Variants in IMMP2L observed in about 807,000 individuals in gnomAD.
The protein encoded by IMMP2L is mitochondrial inner membrane protease subunit 2.
Under a neutral mutation model 19.3 loss-of-function variants are expected in IMMP2L, and 18 were observed. That is an observed-to-expected ratio of 0.93 (90% confidence interval 0.64 to 1.38). The LOEUF is 1.38. IMMP2L is among the 40% of genes most tolerant of loss of function. The pLI is 0.00. For synonymous variants in IMMP2L, 76 were observed against 73.0 expected, an observed-to-expected ratio of 1.04 and a Z score of -0.21; for missense variants, 233 against 218.2, an observed-to-expected ratio of 1.07 and a Z score of -0.43.
intron 5 of IMMP2L, among the ~76,000 whole-genome samples, chr7:110,713,037 G>T (rs995392870): frequency 1.3e-5 from 2 of 152,184 alleles, no homozygotes; most frequent in African/African-American, 4.8e-5. Context: ...TATGACTCTT[G>T]TAGATAACCT....
At chr7:111,103,872 G>A (rs985065812) in intron 3 of IMMP2L, among the ~76,000 whole-genome samples, 1 of 151,578 alleles carries the variant, frequency 6.6e-6, no homozygotes, top group Non-Finnish European at 1.5e-5. Context: ...GAAAGAACGA[G>A]AGTCCATGCC....
At chr7:111,391,881 T>G (rs1293193393) in intron 3 of IMMP2L, 1 of 702,628 alleles carries the variant, frequency 1.4e-6, no homozygotes, top group Non-Finnish European at 2.6e-6. Context: ...ATTCCTGCCC[T>G]CTGTTCTAAA....
At position 111,214,328 on chromosome 7, in the gene IMMP2L, C is replaced by CTTTTTTTTTTTTTTTTTTTTTTTTTTT. The variant is rs1484229556; in HGVS notation, c.240-250764_240-250763insAAAAAAAAAAAAAAAAAAAAAAAAAAA. Among the ~76,000 whole-genome samples the CTTTTTTTTTTTTTTTTTTTTTTTTTTT allele has an allele frequency of 8.2e-5, 7 of 85,110 alleles. 2 individuals are homozygous for CTTTTTTTTTTTTTTTTTTTTTTTTTTT. The allele number at this position is 85,110 out of a possible 152,430, so 55.8% of individuals were successfully genotyped here. A position where few individuals can be genotyped will look rare whatever the true frequency, so the allele number is the denominator to read the frequency against. ...GTGAATGAATGACAAAGTAATTTTT[C>CTTTTTTTTTTTTTTTTTTTTTTTTTTT]TTCTTTTTTTTTTTTTTTTTTTTTT... On this transcript the variant is annotated intron_variant, in intron 3 of 5. Transcript: ENST00000405709.
Position 111,249,466 on chromosome 7 carries a change from G to A in IMMP2L, c.239+237772C>T, listed in dbSNP as rs918488453. Reference sequence around the variant, plus strand: ...ACCCGGTACCTCAGATGGAAATGCAGAAATCACCGTCTTCTGCGTCGCTCA... The same window carrying A: ...ACCCGGTACCTCAGATGGAAATGCAAAAATCACCGTCTTCTGCGTCGCTCA... On this transcript the variant is annotated intron_variant, in intron 3 of 5. Transcript: ENST00000405709. Among the ~76,000 whole-genome samples the A allele has an allele frequency of 5.3e-5, 8 of 150,990 alleles. No homozygotes were observed. The South Asian group carries it at 1.5e-3, about 28-fold the overall frequency.
chr7:111,165,311 T>C (rs1647674380), intron 3 of IMMP2L, among the ~76,000 whole-genome samples: 1 of 152,084 alleles, frequency 6.6e-6, no homozygotes, highest in South Asian at 2.1e-4. Flanking sequence ...ACTTTGCTTA[T>C]TAATTCATCT....
intron 5 of IMMP2L, among the ~76,000 whole-genome samples, chr7:110,731,424 T>C (rs1796270984): frequency 6.6e-6 from 1 of 152,162 alleles, no homozygotes; most frequent in South Asian, 2.1e-4. Flanking sequence ...TATTTAGTAT[T>C]TATTATTGTT....
intron 4 of IMMP2L, among the ~76,000 whole-genome samples, chr7:110,961,504 T>C (rs1818937711): frequency 6.6e-6 from 1 of 151,384 alleles, no homozygotes; most frequent in Non-Finnish European, 1.5e-5. Flanking sequence ...CCACCTTCAG[T>C]TGGTTGAAAT....
chr7:111,403,876 T>C (rs1429156395), intron 3 of IMMP2L, among the ~76,000 whole-genome samples: 1 of 152,118 alleles, frequency 6.6e-6, no homozygotes, highest in African/African-American at 2.4e-5. Context: ...TAAAATAATA[T>C]TGGGGCAAAA....
rs756611135 is a variant in IMMP2L, at chr7:110,758,801, C to T, written c.409-95080G>A. On this transcript the variant is annotated intron_variant, in intron 5 of 5. Transcript: ENST00000405709. The surrounding 1 kb of genome is among the most constrained non-coding windows in gnomAD (Gnocchi z 4.6). ...ATTATAAAACGTAGTAACTACTGGT[C>T]ATTGCAGTGCCTGGAAAATTAATGA... is the stretch of plus-strand genomic sequence containing the variant. Among the ~76,000 whole-genome samples the T allele has an allele frequency of 6.6e-6, 1 of 152,060 alleles. No homozygotes were observed. The highest frequency in any genetic ancestry group is 1.5e-5 in the Non-Finnish European group (1 of 68,002).
chr7:110,940,249 T>A (rs546049876), intron 4 of IMMP2L, among the ~76,000 whole-genome samples: 2 of 151,006 alleles, frequency 1.3e-5, no homozygotes, highest in South Asian at 4.2e-4. Context: ...AACCTGGGAG[T>A]TGGAGCTTGC....
intron 4 of IMMP2L, among the ~76,000 whole-genome samples, chr7:110,940,630 TCTC>T (rs1342712341): frequency 1.3e-5 from 2 of 152,136 alleles, no homozygotes; most frequent in Admixed American, 6.5e-5. Context: ...CAGGCCTTAA[TCTC>T]CTCATCTATA....
At chr7:111,352,763 A>C (rs568912878) in intron 3 of IMMP2L, among the ~76,000 whole-genome samples, 1 of 152,160 alleles carries the variant, frequency 6.6e-6, no homozygotes. Context: ...TAGCACTCTG[A>C]TTTGGCACCT....
chr7:111,537,518 T>A (rs922084611), intron 1 of IMMP2L, among the ~76,000 whole-genome samples: 2 of 146,942 alleles, frequency 1.4e-5, no homozygotes, highest in African/African-American at 5.0e-5. Flanking sequence ...CCTAGTCTCA[T>A]CACTTCCACT....
At chr7:111,382,324 G>C (rs1831275526) in intron 3 of IMMP2L, among the ~76,000 whole-genome samples, 1 of 151,214 alleles carries the variant, frequency 6.6e-6, no homozygotes, top group Non-Finnish European at 1.5e-5. Flanking sequence ...CATAATTTCA[G>C]AGAAGCATTG....
rs146489810 is a variant in IMMP2L at position 110,793,420 on chromosome 7, A to AAAACAAAC, written c.408+93165_408+93172dup. ...GGGCAACAGAGCAAGACTCTGTCTC[A>AAAACAAAC]AAACAAACAAACAAACAAACAAACA... On this transcript the variant is annotated intron_variant, in intron 5 of 5. Coordinates refer to ENST00000405709, the MANE Select transcript of IMMP2L (RefSeq NM_032549.4). Among the ~76,000 whole-genome samples, 1,454 of 150,080 alleles carry AAAACAAAC rather than the reference A, an allele frequency of 9.7e-3. 23 individuals are homozygous for AAAACAAAC. The highest frequency in any genetic ancestry group is 0.04 in the Admixed American group (599 of 14,958).
rs1217257175 is a variant in IMMP2L at position 111,125,817 on chromosome 7, C to CTTTTTTT, written c.240-162259_240-162253dup. Among the ~76,000 whole-genome samples the CTTTTTTT allele has an allele frequency of 2.9e-4, 29 of 100,164 alleles. 1 individual carries two copies. Among genetic ancestry groups the CTTTTTTT allele is most frequent in the Non-Finnish European group, 4.6e-4 (24 of 51,636 alleles). 65.7% of individuals were successfully genotyped at this position (100,164 alleles called of 152,430 possible). On this transcript the variant is annotated intron_variant, in intron 3 of 5. Coordinates refer to ENST00000405709, the MANE Select transcript of IMMP2L (RefSeq NM_032549.4). ...CAGTAGCTTAGTTTTAGGCCGCTTG[C>CTTTTTTT]TTTTTTTTTTTTTTTTTTTTTTTGA...
chr7:111,023,835 A>G (rs1826545056), intron 3 of IMMP2L, among the ~76,000 whole-genome samples: 1 of 152,220 alleles, frequency 6.6e-6, no homozygotes, highest in Non-Finnish European at 1.5e-5. Flanking sequence ...TTAGAATCAC[A>G]TATGCATTGC....
chr7:110,991,551 T>C (rs1328113514), intron 3 of IMMP2L, among the ~76,000 whole-genome samples: 3 of 152,110 alleles, frequency 2.0e-5, no homozygotes, highest in Non-Finnish European at 4.4e-5. Flanking sequence ...ATGGGAAACC[T>C]AGTTCCATAG....
chr7:111,053,463 T>A (rs574163609), intron 3 of IMMP2L, among the ~76,000 whole-genome samples: 1 of 152,346 alleles, frequency 6.6e-6, no homozygotes, highest in Non-Finnish European at 1.5e-5. Context: ...ATGCTTGAGC[T>A]CACTCACCCA....
Sources: gnomAD v4.1 joint callset for allele counts (sites outside exome capture counted in the v4.1 genomes callset) on GRCh38, gnomAD v4.1.1 for gene constraint, Gnocchi (gnomAD v3.1) non-coding constraint, MANE v1.5 for transcripts, NCBI Gene and HGNC (gene_info 2026-07-23, HGNC 2026-07-21) for gene names.